RALYL: variants seen among roughly 807,000 people sequenced by gnomAD.
RALYL encodes RNA-binding Raly-like protein.
RALYL carries 29 observed loss-of-function variants against 35.1 expected under a neutral mutation model. That is an observed-to-expected ratio of 0.83 (90% CI 0.61 to 1.13). The LOEUF is 1.13. Ranked by LOEUF, RALYL falls within the 50% of genes most tolerant of loss-of-function variation. The pLI is 0.00. For missense variants in RALYL, 359 were observed against 360.4 expected (o/e 1.00, Z 0.03); for synonymous variants, 120 against 127.6 (o/e 0.94, Z 0.40).
At chr8:84,513,747 A>G (rs1321545940) in intron 1 of RALYL, among the ~76,000 whole-genome samples, 1 of 152,160 alleles carries the variant, frequency 6.6e-6, no homozygotes, top group Non-Finnish European at 1.5e-5. Flanking sequence ...TACAAAATAT[A>G]GAAGAAACAA....
At chr8:84,317,608 C>T (rs181858056) in intron 1 of RALYL, among the ~76,000 whole-genome samples, 25 of 152,294 alleles carry the variant, frequency 1.6e-4, no homozygotes, top group African/African-American at 5.1e-4. Flanking sequence ...AATGTGTTTG[C>T]CATGATTAGC....
intron 1 of RALYL, among the ~76,000 whole-genome samples, chr8:84,451,665 T>C (rs2049490240): frequency 6.6e-6 from 1 of 151,978 alleles, no homozygotes; most frequent in Non-Finnish European, 1.5e-5. Flanking sequence ...AAAGAGAGCA[T>C]TGAAATGCTT....
At chr8:84,493,131 T>C (rs2055542505) in intron 1 of RALYL, among the ~76,000 whole-genome samples, 1 of 152,062 alleles carries the variant, frequency 6.6e-6, no homozygotes, top group Non-Finnish European at 1.5e-5. Context: ...TGTGTTCTCA[T>C]TGTTTAACTC....
intron 2 of RALYL, among the ~76,000 whole-genome samples, chr8:84,658,268 C>T (rs1269428573): frequency 6.6e-6 from 1 of 151,986 alleles, no homozygotes; most frequent in African/African-American, 2.4e-5. Flanking sequence ...AACATAAATC[C>T]CTGTCATATT....
intron 2 of RALYL, among the ~76,000 whole-genome samples, chr8:84,665,304 T>A (rs530805924): frequency 2.0e-5 from 2 of 99,610 alleles, no homozygotes; most frequent in African/African-American, 6.4e-5. Flanking sequence ...TCTACCAGGC[T>A]TTTTTTAATC....
intron 2 of RALYL, among the ~76,000 whole-genome samples, chr8:84,594,327 A>T (rs928167147): frequency 6.6e-6 from 1 of 152,126 alleles, no homozygotes; most frequent in African/African-American, 2.4e-5. Flanking sequence ...GTTGCCTAGC[A>T]TATAAGGATG....
intron 2 of RALYL, among the ~76,000 whole-genome samples, chr8:84,540,988 G>T (rs1326026952): frequency 6.6e-6 from 1 of 151,736 alleles, no homozygotes; most frequent in African/African-American, 2.4e-5. Context: ...TTTTTAATCA[G>T]AATAGTGATA....
At chr8:84,877,624 T>G (rs1176411540) in intron 7 of RALYL, among the ~76,000 whole-genome samples, 1 of 152,174 alleles carries the variant, frequency 6.6e-6, no homozygotes, top group East Asian at 1.9e-4. Context: ...TCATCTTAAC[T>G]GCATTCAAAT....
At chr8:84,538,122 C>A (rs1168158968) in intron 2 of RALYL, among the ~76,000 whole-genome samples, 1 of 152,144 alleles carries the variant, frequency 6.6e-6, no homozygotes, top group Non-Finnish European at 1.5e-5. Context: ...AATTGTAGAA[C>A]TAACGGTCTG....
intron 3 of RALYL, among the ~76,000 whole-genome samples, chr8:84,803,727 C>A (rs1171838714): frequency 6.6e-6 from 1 of 152,094 alleles, no homozygotes; most frequent in Admixed American, 6.6e-5. Flanking sequence ...TATAAATGCA[C>A]CAAGGCATAT....
At chr8:84,384,768 A>C (rs1028713282) in intron 1 of RALYL, among the ~76,000 whole-genome samples, 2 of 151,810 alleles carry the variant, frequency 1.3e-5, no homozygotes, top group Non-Finnish European at 2.9e-5. Context: ...TAGGTACCAA[A>C]TTAAACACTG....
chr8:84,792,473 G>A (rs913967633), intron 3 of RALYL, among the ~76,000 whole-genome samples: 8 of 152,196 alleles, frequency 5.3e-5, no homozygotes, highest in Non-Finnish European at 2.9e-5. Flanking sequence ...CCTGGAGCTG[G>A]TGGTTTGGAG....
intron 4 of RALYL, among the ~76,000 whole-genome samples, chr8:84,819,990 A>G (rs969846481): frequency 6.6e-6 from 1 of 152,154 alleles, no homozygotes. Flanking sequence ...CCCCAAAAAA[A>G]TTTTGATGAG....
chr8:84,308,648 T>C (rs1403459046), intron 1 of RALYL, among the ~76,000 whole-genome samples: 3 of 152,208 alleles, frequency 2.0e-5, no homozygotes, highest in African/African-American at 7.2e-5. Flanking sequence ...CCCATGGATT[T>C]TAATAGTACA....
Position 84,833,363 on chromosome 8 carries a change from T to C in RALYL, c.366-16617T>C, listed in dbSNP as rs190954311. Among the ~76,000 whole-genome samples the C allele has an allele frequency of 1.6e-3, 238 of 152,052 alleles. 1 individual carries two copies. Among genetic ancestry groups the C allele is most frequent in the African/African-American group, 5.1e-3 (210 of 41,508 alleles). The stretch of plus-strand genomic sequence containing the variant: ...ATTAAGATTTCATTATCTGGCCGGG[T>C]GCAGTGGCTCATGCCTGTAATCCCA... On this transcript the variant is annotated intron_variant, in intron 4 of 8. Coordinates refer to ENST00000521268, the MANE Select transcript of RALYL (RefSeq NM_173848.7).
intron 7 of RALYL, among the ~76,000 whole-genome samples, chr8:84,873,832 C>T (rs1449709549): frequency 6.6e-6 from 1 of 152,042 alleles, no homozygotes; most frequent in African/African-American, 2.4e-5. Context: ...TTGCTGCCAC[C>T]CTGAAAGACT....
At chr8:84,620,370 T>C (rs906100766) in intron 2 of RALYL, among the ~76,000 whole-genome samples, 6 of 152,132 alleles carry the variant, frequency 3.9e-5, no homozygotes, top group Admixed American at 6.5e-5. Context: ...ATACCCTTTC[T>C]TCCAGTTGAT....
At chr8:84,746,492 G>A (rs1377186292) in intron 2 of RALYL, among the ~76,000 whole-genome samples, 4 of 151,854 alleles carry the variant, frequency 2.6e-5, no homozygotes, top group Non-Finnish European at 4.4e-5. Flanking sequence ...CCCAAGTACA[G>A]TATTTGGTAA....
chr8:84,898,906 G>A (rs1271555070), intron 8 of RALYL, among the ~76,000 whole-genome samples: 1 of 152,154 alleles, frequency 6.6e-6, no homozygotes. Flanking sequence ...CTTCAGTGCT[G>A]CTACCACTTT....
Sources: gnomAD v4.1 joint callset for allele counts (sites outside exome capture counted in the v4.1 genomes callset) on GRCh38, gnomAD v4.1.1 for gene constraint, MANE v1.5 for transcripts, NCBI Gene and HGNC (gene_info 2026-07-23, HGNC 2026-07-21) for gene names.